The following AIG1 variants were observed in gnomAD, a reference collection of about 807,000 sequenced individuals.
AIG1 encodes the protein androgen induced 1.
In AIG1, 23 loss-of-function variants were observed where a neutral mutation model predicts 31.4. The ratio of observed to expected loss-of-function variants is 0.73; its 90% CI spans 0.53 to 1.04. The LOEUF (loss-of-function observed/expected upper bound fraction) is 1.04, where lower values mean the gene tolerates loss of function less well. Ranked by LOEUF, AIG1 falls within the 50% of genes least tolerant of loss-of-function variation. The pLI is 0.00. For missense variants in AIG1, 274 were observed against 295.0 expected (o/e 0.93, Z 0.52); for synonymous variants, 100 against 110.5 (o/e 0.90, Z 0.60).
Position 143,299,023 on chromosome 6 carries a change from A to T in AIG1, c.515+14798A>T, listed in dbSNP as rs1798640085. The stretch of plus-strand genomic sequence containing the variant: ...ATAGATCTTTTCTAATATAAGCATC[A>T]CATCTCATGGGTGACATGGAAGTGC... On this transcript the variant is annotated intron_variant, in intron 4 of 5. Transcript: ENST00000357847. This position sits in a 1 kb window ranked among gnomAD's most constrained non-coding sequence, Gnocchi z 4.1. 1 of 152,168 alleles carries T rather than the reference A, an allele frequency of 6.6e-6. No homozygotes were observed. Among genetic ancestry groups the T allele is most frequent in the African/African-American group, 2.4e-5 (1 of 41,442 alleles). 9.4% of individuals were successfully genotyped at this position (152,168 alleles called of 1,614,324 possible). A position where few individuals can be genotyped will look rare whatever the true frequency, so the allele number is the denominator to read the frequency against.
intron 3 of AIG1, among the ~76,000 whole-genome samples, chr6:143,195,885 T>TA (rs577660562): frequency 1.4e-3 from 206 of 152,294 alleles, no homozygotes; most frequent in South Asian, 2.7e-3. Context: ...AAAAAGCAAT[T>TA]AAACATCTTG....
chr6:143,278,705 G>T (rs1443433682), intron 3 of AIG1, among the ~76,000 whole-genome samples: 1 of 151,856 alleles, frequency 6.6e-6, no homozygotes, highest in East Asian at 1.9e-4. Context: ...CTGACCTCAG[G>T]TGATCCGCCC....
chr6:143,112,904 G>A (rs986692543), intron 1 of AIG1, among the ~76,000 whole-genome samples: 8 of 152,076 alleles, frequency 5.3e-5, no homozygotes, highest in African/African-American at 9.7e-5. Flanking sequence ...AGAGGTAAAC[G>A]TATTAAGCCA....
At chr6:143,303,583 A>G (rs1280301823) in intron 4 of AIG1, among the ~76,000 whole-genome samples, 1 of 151,658 alleles carries the variant, frequency 6.6e-6, no homozygotes, top group Non-Finnish European at 1.5e-5. Context: ...CCATTGATCT[A>G]TATCTCTGTT....
chr6:143,247,235 G>A (rs1360108146), intron 3 of AIG1, among the ~76,000 whole-genome samples: 4 of 152,120 alleles, frequency 2.6e-5, no homozygotes, highest in African/African-American at 4.8e-5. Context: ...GGGTTCAGGC[G>A]ATTCCCCTGC....
Position 143,095,113 on chromosome 6 carries a change from G to A in AIG1, c.141+34047G>A, listed in dbSNP as rs180977341. Among the ~76,000 whole-genome samples the A allele has an allele frequency of 3.9e-5, 6 of 152,224 alleles. No individual in the cohort carries two copies. The East Asian group carries it at 1.2e-3, about 29-fold the overall frequency. ...GTAAAAGGTAAAATTGATACTGTGG[G>A]AAACCAGATCAGTGTGATGGAGAAT... On this transcript the variant is annotated intron_variant, in intron 1 of 5. Transcript: ENST00000357847.
intron 2 of AIG1, among the ~76,000 whole-genome samples, chr6:143,140,317 G>A (rs1048353179): frequency 6.6e-6 from 1 of 152,124 alleles, no homozygotes; most frequent in African/African-American, 2.4e-5. Context: ...AACTATATCA[G>A]TATTTTAACA....
At chr6:143,277,543 C>A (rs781068001) in intron 3 of AIG1, among the ~76,000 whole-genome samples, 2 of 152,152 alleles carry the variant, frequency 1.3e-5, no homozygotes, top group Non-Finnish European at 2.9e-5. Flanking sequence ...ATTTATGATC[C>A]AAAGTTGTCA....
chr6:143,322,143 GT>G (rs1776264267), intron 4 of AIG1, among the ~76,000 whole-genome samples: 1 of 148,910 alleles, frequency 6.7e-6, no homozygotes, highest in Admixed American at 6.7e-5. Flanking sequence ...ATTAAAGGAG[GT>G]TGGTGATGAG....
At chr6:143,267,082 T>C (rs1391942359) in intron 3 of AIG1, among the ~76,000 whole-genome samples, 1 of 152,202 alleles carries the variant, frequency 6.6e-6, no homozygotes, top group Non-Finnish European at 1.5e-5. Context: ...GCTCATCTCT[T>C]TGTAAAACAT....
rs115860488 is a variant in AIG1, at chr6:143,327,195, T to C, written c.516-6087T>C. ...GGGAAAAATCAACATATTAGAGAGA[T>C]GTAAGGGGTAACCTTGATAAGACAA... On this transcript the variant is annotated intron_variant, in intron 4 of 5. Transcript: ENST00000357847. This position sits in a 1 kb window ranked among gnomAD's most constrained non-coding sequence, Gnocchi z 5.3. 717 of 164,870 alleles carry C rather than the reference T, an allele frequency of 4.3e-3. 5 individuals carry two copies. The highest frequency in any genetic ancestry group is 0.016 in the African/African-American group (663 of 41,626). 10.2% of individuals were successfully genotyped at this position (164,870 alleles called of 1,614,324 possible). A position where few individuals can be genotyped will look rare whatever the true frequency, so the allele number is the denominator to read the frequency against.
intron 3 of AIG1, among the ~76,000 whole-genome samples, chr6:143,205,291 C>T (rs1791026142): frequency 6.6e-6 from 1 of 152,088 alleles, no homozygotes; most frequent in Admixed American, 6.5e-5. Context: ...TCTTCCAATC[C>T]CCTTCTGGAG....
At chr6:143,192,259 T>C (rs896268804) in intron 3 of AIG1, among the ~76,000 whole-genome samples, 1 of 152,176 alleles carries the variant, frequency 6.6e-6, no homozygotes, top group African/African-American at 2.4e-5. Flanking sequence ...ATCTGGTCAC[T>C]AAAAAGCCAC....
At chr6:143,210,438 G>T (rs564272163) in intron 3 of AIG1, among the ~76,000 whole-genome samples, 50 of 152,310 alleles carry the variant, frequency 3.3e-4, no homozygotes, top group Non-Finnish European at 5.6e-4. Context: ...CCACAAGGTA[G>T]AAACATAGGA....
chr6:143,286,116 G>C (rs1413972172), intron 4 of AIG1, among the ~76,000 whole-genome samples: 1 of 139,706 alleles, frequency 7.2e-6, no homozygotes, highest in East Asian at 2.2e-4. Context: ...GTATATTTCT[G>C]CAAATTCATT....
At chr6:143,144,220 C>T (rs1030043346) in intron 2 of AIG1, among the ~76,000 whole-genome samples, 2 of 152,126 alleles carry the variant, frequency 1.3e-5, no homozygotes, top group South Asian at 2.1e-4. Context: ...CAGGGAAAAC[C>T]GTGCATTTAT....
intron 3 of AIG1, among the ~76,000 whole-genome samples, chr6:143,261,608 A>G (rs750464184): frequency 1.3e-5 from 2 of 152,242 alleles, no homozygotes; most frequent in Non-Finnish European, 2.9e-5. Context: ...TATATAAAGT[A>G]TAGCCCTTAC....
chr6:143,302,475 T>C (rs1239185117), intron 4 of AIG1, among the ~76,000 whole-genome samples: 1 of 151,766 alleles, frequency 6.6e-6, no homozygotes. Flanking sequence ...ATATGCGGTG[T>C]TTGGTTTTTT....
Position 143,327,748 on chromosome 6 carries a change from G to T in AIG1, c.516-5534G>T. On this transcript the variant is annotated intron_variant, in intron 4 of 5. Transcript: ENST00000357847. This position sits in a 1 kb window ranked among gnomAD's most constrained non-coding sequence, Gnocchi z 5.3. ...ACTAAATGTGATGAAAGAGAGGGAA[G>T]TATCAAAGATGACTTGCAATGTTTG... 1 of 163,106 alleles carries T rather than the reference G, an allele frequency of 6.1e-6. No individual in the cohort carries two copies. Among genetic ancestry groups the T allele is most frequent in the Non-Finnish European group, 1.3e-5 (1 of 75,866 alleles). 10.1% of individuals were successfully genotyped at this position (163,106 alleles called of 1,614,324 possible).
Sources: allele counts gnomAD v4.1 joint callset (sites outside exome capture counted in the v4.1 genomes callset), GRCh38; gene constraint gnomAD v4.1.1; non-coding constraint Gnocchi (gnomAD v3.1); transcripts MANE v1.5; gene names NCBI Gene and HGNC (gene_info 2026-07-23, HGNC 2026-07-21).